The following CSMD1 variants were observed in gnomAD, a reference collection of about 807,000 sequenced individuals.
CSMD1 encodes the protein CUB and Sushi multiple domains 1, also known as CUB and sushi domain-containing protein 1.
A neutral mutation model predicts 417.5 loss-of-function variants in CSMD1; 213 were observed. The ratio of observed to expected loss-of-function variants is 0.51; its 90% CI spans 0.46 to 0.57. The LOEUF is 0.57. Among genes scored for constraint, CSMD1 ranks in the 20% least tolerant of loss-of-function variants. The pLI is 0.00. For synonymous variants in CSMD1, 2,862 were observed against 1,736.8 expected, an observed-to-expected ratio of 1.65 and a Z score of -16.11; for missense variants, 6,923 against 4,529.7, an observed-to-expected ratio of 1.53 and a Z score of -15.17.
intron 2 of CSMD1, among the ~76,000 whole-genome samples, chr8:4,497,644 T>C (rs535291654): frequency 1.3e-5 from 2 of 152,122 alleles, no homozygotes; most frequent in African/African-American, 4.8e-5. Flanking sequence ...GAATGGGAAC[T>C]CGTGCCCCAG....
chr8:3,746,287 T>C (rs1405116763), intron 6 of CSMD1, among the ~76,000 whole-genome samples: 1 of 152,222 alleles, frequency 6.6e-6, no homozygotes, highest in African/African-American at 2.4e-5. Context: ...ATTGATAACC[T>C]ACCTGAACTT....
intron 3 of CSMD1, among the ~76,000 whole-genome samples, chr8:4,125,369 C>G (rs1647330): frequency 0.84 from 127,452 of 152,222 alleles, 53,476 homozygotes; most frequent in African/African-American, 0.88. Flanking sequence ...TTGTGACCTG[C>G]AGGTCCCCTC....
chr8:4,006,300 T>G (rs574023214), intron 4 of CSMD1, among the ~76,000 whole-genome samples: 12 of 152,226 alleles, frequency 7.9e-5, no homozygotes, highest in Admixed American at 5.9e-4. Flanking sequence ...TGAAAAGCAT[T>G]TGGGAGGCTG....
intron 5 of CSMD1, among the ~76,000 whole-genome samples, chr8:3,914,689 A>T (rs1330476267): frequency 6.6e-6 from 1 of 152,122 alleles, no homozygotes; most frequent in Non-Finnish European, 1.5e-5. Flanking sequence ...TTGGTTGTCA[A>T]GTTGAAAGAT....
chr8:4,205,020 A>T (rs1390909526), intron 3 of CSMD1, among the ~76,000 whole-genome samples: 1 of 152,180 alleles, frequency 6.6e-6, no homozygotes, highest in African/African-American at 2.4e-5. Flanking sequence ...TTTCTCATGT[A>T]TTCAAGCAAG....
chr8:4,468,756 T>A (rs563968517), intron 2 of CSMD1, among the ~76,000 whole-genome samples: 1 of 152,220 alleles, frequency 6.6e-6, no homozygotes, highest in South Asian at 2.1e-4. Flanking sequence ...TGCTTCTATG[T>A]CTGAATCAGC....
At position 4,142,211 on chromosome 8, in the gene CSMD1, T is replaced by C. The variant is rs868864206; in HGVS notation, c.416-110112A>G. The stretch of plus-strand genomic sequence containing the variant: ...AATCACCAGATTAAAACATTTTTTA[T>C]ATTTAGCCAAATTATAGTGATACTT... On this transcript the variant is annotated intron_variant, in intron 3 of 69. Transcript: ENST00000635120. Among the ~76,000 whole-genome samples the C allele has an allele frequency of 2.0e-5, 3 of 151,360 alleles. No individual in the cohort carries two copies. In the South Asian group the frequency reaches 6.2e-4, roughly 31 times the overall value.
At chr8:4,190,529 C>A (rs1254092986) in intron 3 of CSMD1, among the ~76,000 whole-genome samples, 1 of 136,238 alleles carries the variant, frequency 7.3e-6, no homozygotes, top group Admixed American at 8.4e-5. Context: ...TAAAATTTTA[C>A]ATACACATAT....
chr8:3,973,888 T>A lies in CSMD1; in HGVS notation c.818+24015A>T, dbSNP rs2740812. Among the ~76,000 whole-genome samples, 541 of 152,288 alleles carry A rather than the reference T, an allele frequency of 3.6e-3. 4 individuals carry two copies. Among genetic ancestry groups the A allele is most frequent in the African/African-American group, 0.013 (521 of 41,570 alleles). ...GGGTAACTATGGTAGATGAATATAT[T>A]GATGGGTTACATGAAATGTTTTGAT... On this transcript the variant is annotated intron_variant, in intron 5 of 69. Coordinates refer to ENST00000635120, the MANE Select transcript of CSMD1 (RefSeq NM_033225.6).
intron 5 of CSMD1, among the ~76,000 whole-genome samples, chr8:3,830,654 CTAGGA>C (rs1463798166): frequency 6.6e-6 from 1 of 152,090 alleles, no homozygotes; most frequent in Non-Finnish European, 1.5e-5. Flanking sequence ...ATCAATGTGC[CTAGGA>C]ATTCACACTC....
intron 5 of CSMD1, among the ~76,000 whole-genome samples, chr8:3,841,632 C>G (rs1656179444): frequency 6.6e-6 from 1 of 151,908 alleles, no homozygotes; most frequent in African/African-American, 2.4e-5. Context: ...TTTTTCAGGT[C>G]ACACATTTTT....
intron 8 of CSMD1, among the ~76,000 whole-genome samples, chr8:3,615,371 C>T (rs1299292682): frequency 6.6e-6 from 1 of 152,072 alleles, no homozygotes; most frequent in Non-Finnish European, 1.5e-5. Flanking sequence ...AATTCTATTC[C>T]ACTTCCTCTA....
At chr8:3,401,608 C>G (rs1812043013) in intron 15 of CSMD1, among the ~76,000 whole-genome samples, 2 of 152,192 alleles carry the variant, frequency 1.3e-5, no homozygotes, top group South Asian at 4.1e-4. Context: ...AGCCCTGCAA[C>G]TGTAGTAGCT....
intron 1 of CSMD1, among the ~76,000 whole-genome samples, chr8:4,803,619 G>T (rs577487463): frequency 3.3e-5 from 5 of 152,072 alleles, no homozygotes; most frequent in Non-Finnish European, 7.4e-5. Context: ...TTACTGAAAA[G>T]ATCTATGTCT....
At chr8:4,910,468 T>G (rs1585310539) in intron 1 of CSMD1, among the ~76,000 whole-genome samples, 1 of 152,208 alleles carries the variant, frequency 6.6e-6, no homozygotes, top group Non-Finnish European at 1.5e-5. Flanking sequence ...TGTCCTCTGA[T>G]GCAGGGTCTT....
At chr8:4,615,817 T>A (rs73659171) in intron 2 of CSMD1, among the ~76,000 whole-genome samples, 3 of 152,178 alleles carry the variant, frequency 2.0e-5, no homozygotes, top group African/African-American at 4.8e-5. Flanking sequence ...TTATTCCTGA[T>A]AATCTATCAA....
At chr8:3,969,519 C>G (rs1471980856) in intron 5 of CSMD1, among the ~76,000 whole-genome samples, 2 of 152,044 alleles carry the variant, frequency 1.3e-5, no homozygotes, top group East Asian at 3.9e-4. Context: ...AGTTATTTAA[C>G]TTGGTGAAAT....
At chr8:4,525,781 C>A (rs1796482499) in intron 2 of CSMD1, among the ~76,000 whole-genome samples, 1 of 152,176 alleles carries the variant, frequency 6.6e-6, no homozygotes, top group African/African-American at 2.4e-5. Flanking sequence ...AGCCAGCATT[C>A]CACACAGGGA....
chr8:3,822,531 C>T (rs1444654124), intron 5 of CSMD1, among the ~76,000 whole-genome samples: 2 of 152,184 alleles, frequency 1.3e-5, no homozygotes, highest in Non-Finnish European at 2.9e-5. Context: ...TAATTAATGT[C>T]TTCCCCGACA....
Sources: gnomAD v4.1 joint callset for allele counts (sites outside exome capture counted in the v4.1 genomes callset) on GRCh38, gnomAD v4.1.1 for gene constraint, MANE v1.5 for transcripts, NCBI Gene and HGNC (gene_info 2026-07-23, HGNC 2026-07-21) for gene names.